The following ADGRL3 variants were observed in gnomAD, a reference collection of about 807,000 sequenced individuals.
ADGRL3 encodes adhesion G protein-coupled receptor L3.
In ADGRL3, 62 loss-of-function variants were observed where a neutral mutation model predicts 153.5. That is an observed-to-expected ratio of 0.40 (90% CI 0.33 to 0.50). ADGRL3 has a LOEUF of 0.50. Among genes scored for constraint, ADGRL3 ranks in the 20% least tolerant of loss-of-function variants. ADGRL3 has a pLI of 0.47. For synonymous variants in ADGRL3, 710 were observed against 672.5 expected, an observed-to-expected ratio of 1.06 and a Z score of -0.86; for missense variants, 1,641 against 1,859.4, an observed-to-expected ratio of 0.88 and a Z score of 2.16.
intron 6 of ADGRL3, among the ~76,000 whole-genome samples, chr4:61,694,176 ATTATTTTTTTTTTTTTTTTT>A (rs1561075178): frequency 5.3e-5 from 5 of 94,700 alleles, no homozygotes; most frequent in South Asian, 3.2e-4. Context: ...AAATTTTGTC[ATTATTTTTTTTTTTTTTTTT>A]TTTTTTTTTT....
intron 1 of ADGRL3, among the ~76,000 whole-genome samples, chr4:61,356,988 T>C (rs1165190523): frequency 2.0e-5 from 3 of 152,140 alleles, no homozygotes; most frequent in Non-Finnish European, 4.4e-5. Context: ...CTTTATTTTT[T>C]TTTTCAGTAA....
intron 5 of ADGRL3, among the ~76,000 whole-genome samples, chr4:61,653,874 T>A (rs2094356051): frequency 6.6e-6 from 1 of 152,136 alleles, no homozygotes; most frequent in Non-Finnish European, 1.5e-5. Context: ...AGAATATGAA[T>A]AAGTGACTTT....
At position 61,267,618 on chromosome 4, in the gene ADGRL3, G is replaced by A. The variant is rs1394027525; in HGVS notation, c.-240+65853G>A. Among the ~76,000 whole-genome samples the A allele has an allele frequency of 3.3e-5, 5 of 151,616 alleles. No homozygotes were observed. The East Asian group carries it at 7.7e-4, about 23-fold the overall frequency. ...TATTGTAAGTATGATTAATAGGGAT[G>A]GCTGCCCCTTTTCCTGATATCATGA... On this transcript the variant is annotated intron_variant, in intron 1 of 26. Transcript: ENST00000683033.
chr4:61,868,901 T>C (rs1434087475), intron 9 of ADGRL3, among the ~76,000 whole-genome samples: 1 of 152,106 alleles, frequency 6.6e-6, no homozygotes, highest in African/African-American at 2.4e-5. Context: ...GTCCAAGTAC[T>C]ACCACAATGG....
At chr4:61,784,253 T>C (rs1299970530) in intron 8 of ADGRL3, among the ~76,000 whole-genome samples, 1 of 152,154 alleles carries the variant, frequency 6.6e-6, no homozygotes, top group African/African-American at 2.4e-5. Flanking sequence ...TTGAACAGCC[T>C]ATATCAAGGA....
At chr4:61,772,288 T>G (rs2097095997) in intron 8 of ADGRL3, among the ~76,000 whole-genome samples, 1 of 152,180 alleles carries the variant, frequency 6.6e-6, no homozygotes, top group South Asian at 2.1e-4. Flanking sequence ...TCCAGGAAAC[T>G]GACTCAGTAA....
rs144456780 is a variant in ADGRL3 at position 62,039,783 on chromosome 4, C to T, written c.3717+1927C>T. 1.2e-4 allele frequency among the ~76,000 whole-genome samples: 18 copies of T among 152,198 alleles called. No homozygotes were observed. In the East Asian group the frequency reaches 2.9e-3, roughly 24 times the overall value. On this transcript the variant is annotated intron_variant, in intron 24 of 26. Coordinates refer to ENST00000683033, the MANE Select transcript of ADGRL3 (RefSeq NM_001387552.1). ...CCTCTTTTTGTAATAACTTTTTCCA[C>T]GACTTTTCAATTGATATTGCTAAGA...
chr4:61,470,775 A>G (rs1016219561), intron 2 of ADGRL3, among the ~76,000 whole-genome samples: 1 of 151,920 alleles, frequency 6.6e-6, no homozygotes, highest in East Asian at 1.9e-4. Flanking sequence ...ATAAGGGAGG[A>G]TGATAATTCC....
At chr4:61,410,463 CTT>C (rs2097072249) in intron 2 of ADGRL3, among the ~76,000 whole-genome samples, 1 of 151,972 alleles carries the variant, frequency 6.6e-6, no homozygotes, top group African/African-American at 2.4e-5. Flanking sequence ...AGGATATTCT[CTT>C]ATATAACCAC....
rs1330665888 is a variant in ADGRL3, at chr4:62,077,192, G to C, written c.*6284G>C. 1 of 151,862 alleles carries C rather than the reference G, an allele frequency of 6.6e-6. No individual in the cohort carries two copies. Among genetic ancestry groups the C allele is most frequent in the Non-Finnish European group, 1.5e-5 (1 of 67,874 alleles). The allele number at this position is 151,862 out of a possible 1,614,324, so 9.4% of individuals were successfully genotyped here. On this transcript the variant is annotated 3_prime_UTR_variant, in exon 27 of 27. Coordinates refer to ENST00000683033, the MANE Select transcript of ADGRL3 (RefSeq NM_001387552.1). ...TAAAGGAAAGCGTTTGAAAGAAGAG[G>C]AAAGTAAAGCAGACTTCTAACTATT...
At chr4:62,006,456 AGTTTTT>A (rs908586496) in intron 21 of ADGRL3, among the ~76,000 whole-genome samples, 5 of 151,874 alleles carry the variant, frequency 3.3e-5, no homozygotes, top group Admixed American at 2.0e-4. Flanking sequence ...GGGGTAGGAC[AGTTTTT>A]GTTTTTGTTT....
chr4:61,765,426 C>G (rs1001272380), intron 8 of ADGRL3, among the ~76,000 whole-genome samples: 4 of 152,068 alleles, frequency 2.6e-5, no homozygotes, highest in African/African-American at 7.3e-5. Context: ...ATTGTCCAGT[C>G]CTTTTTAAGT....
In ADGRL3 at chr4:61,909,696, G is replaced by A. The variant is rs750680318; in HGVS notation, c.2024G>A (p.Arg675Gln). 10 of 1,588,972 alleles carry A rather than the reference G, an allele frequency of 6.3e-6. No individual in the cohort carries two copies. The Admixed American group carries it at 7.2e-5, about 11-fold the overall frequency. The change falls in exon 12 of 27, where the codon CGG (arginine) becomes CAG (glutamine). Residue 675 changes from arginine to glutamine, a missense_variant. This residue lies in a region of ADGRL3 where 734 missense variants were observed against 797.0 expected (regional missense o/e 0.92). Coordinates refer to ENST00000683033, the MANE Select transcript of ADGRL3 (RefSeq NM_001387552.1). ...GTAGGCCTCCTAGATGTACAGCTTC[G>A]GAACTTGACCCCAGGTGGAAAAGAT... ...QLVGLLDVQL[R>Q]NLTPGGKDSA... is the part of the protein sequence containing the mutation.
chr4:61,848,551 G>A (rs555852449), intron 9 of ADGRL3, among the ~76,000 whole-genome samples: 8 of 152,020 alleles, frequency 5.3e-5, no homozygotes, highest in African/African-American at 1.9e-4. Context: ...TTACATCTAC[G>A]AAGACCATAT....
At chr4:61,553,317 G>A (rs912607223) in intron 4 of ADGRL3, among the ~76,000 whole-genome samples, 1 of 152,024 alleles carries the variant, frequency 6.6e-6, no homozygotes, top group Non-Finnish European at 1.5e-5. Flanking sequence ...ATATATAACT[G>A]AGATAAAAAA....
At chr4:61,516,242 T>C (rs2098493831) in intron 3 of ADGRL3, among the ~76,000 whole-genome samples, 1 of 152,132 alleles carries the variant, frequency 6.6e-6, no homozygotes, top group African/African-American at 2.4e-5. Flanking sequence ...TGTATAAATT[T>C]CTAGTGTTAG....
chr4:61,836,310 C>G (rs1377278188), intron 9 of ADGRL3, among the ~76,000 whole-genome samples: 3 of 152,090 alleles, frequency 2.0e-5, no homozygotes, highest in Non-Finnish European at 4.4e-5. Flanking sequence ...CTTTGTAAAT[C>G]TGTTATTGTC....
chr4:61,519,891 T>C (rs1394275461), intron 4 of ADGRL3, among the ~76,000 whole-genome samples: 1 of 152,196 alleles, frequency 6.6e-6, no homozygotes, highest in Non-Finnish European at 1.5e-5. Flanking sequence ...ATTAATGCAA[T>C]CTTTGATTCA....
At chr4:61,767,522 G>T (rs1408618114) in intron 8 of ADGRL3, among the ~76,000 whole-genome samples, 1 of 152,134 alleles carries the variant, frequency 6.6e-6, no homozygotes, top group East Asian at 1.9e-4. Context: ...CGTCCGTGAT[G>T]GTCTAGGGGG....
Sources: allele counts gnomAD v4.1 joint callset (sites outside exome capture counted in the v4.1 genomes callset), GRCh38; gene constraint gnomAD v4.1.1; regional missense constraint gnomAD v4.1.1; transcripts MANE v1.5; gene names NCBI Gene and HGNC (gene_info 2026-07-23, HGNC 2026-07-21).